Variants in GTF2A1L observed in about 807,000 individuals in gnomAD.
GTF2A1L encodes the protein general transcription factor IIA subunit 1 like.
In GTF2A1L, 48 loss-of-function variants were observed where a neutral mutation model predicts 49.7. The ratio of observed to expected loss-of-function variants is 0.97; its 90% CI spans 0.77 to 1.23. The LOEUF (loss-of-function observed/expected upper bound fraction) is 1.23. Among genes scored for constraint, GTF2A1L ranks in the 50% most tolerant of loss-of-function variants. GTF2A1L has a pLI of 0.00. For missense variants in GTF2A1L, 736 were observed against 564.8 expected (o/e 1.30, Z -3.07); for synonymous variants, 246 against 193.5 (o/e 1.27, Z -2.25).
intron 8 of GTF2A1L, among the ~76,000 whole-genome samples, chr2:48,672,024 A>G (rs1237024202): frequency 2.0e-5 from 3 of 152,244 alleles, no homozygotes; most frequent in East Asian, 1.9e-4. Context: ...ATCAAATGCT[A>G]AGATGAGTGG....
At chr2:48,634,867 A>C (rs1676796830) in intron 3 of GTF2A1L, among the ~76,000 whole-genome samples, 1 of 152,138 alleles carries the variant, frequency 6.6e-6, no homozygotes, top group South Asian at 2.1e-4. Context: ...CTGGGAGGGC[A>C]GGGGCCATGA....
At chr2:48,628,198 T>A (rs537167148) in intron 3 of GTF2A1L, among the ~76,000 whole-genome samples, 1 of 144,146 alleles carries the variant, frequency 6.9e-6, no homozygotes, top group Non-Finnish European at 1.6e-5. Flanking sequence ...GGAGTGCATG[T>A]GTCATTTTGG....
At chr2:48,644,980 A>G in intron 4 of GTF2A1L, 53 bp from the exon 5 acceptor site, 1 of 1,528,820 alleles carries the variant, frequency 6.5e-7, no homozygotes, top group Non-Finnish European at 8.8e-7. Flanking sequence ...AGGGAAAAAA[A>G]GATACAAGTA....
At chr2:48,623,548 C>G (rs1465617396) in intron 3 of GTF2A1L, among the ~76,000 whole-genome samples, 4 of 152,194 alleles carry the variant, frequency 2.6e-5, no homozygotes, top group Non-Finnish European at 5.9e-5. Flanking sequence ...TTCAACTCAT[C>G]AGTTCTATTA....
chr2:48,666,899 T>C (rs1678876169), intron 6 of GTF2A1L, among the ~76,000 whole-genome samples: 1 of 152,150 alleles, frequency 6.6e-6, no homozygotes, highest in South Asian at 2.1e-4. Flanking sequence ...TTGACATTTC[T>C]AACTGTCTCT....
intron 3 of GTF2A1L, among the ~76,000 whole-genome samples, chr2:48,642,103 TACTTG>T (rs1677228940): frequency 6.6e-6 from 1 of 152,206 alleles, no homozygotes; most frequent in Non-Finnish European, 1.5e-5. Context: ...TAATAAATAT[TACTTG>T]ACTTAATAAG....
chr2:48,624,662 C>G (rs1239126413), intron 3 of GTF2A1L, among the ~76,000 whole-genome samples: 3 of 143,804 alleles, frequency 2.1e-5, no homozygotes, highest in Non-Finnish European at 4.7e-5. Flanking sequence ...CTTATTGATC[C>G]TATGTATCTG....
intron 6 of GTF2A1L, among the ~76,000 whole-genome samples, chr2:48,652,632 A>C (rs1677917999): frequency 6.6e-6 from 1 of 151,462 alleles, no homozygotes; most frequent in Non-Finnish European, 1.5e-5. Flanking sequence ...ACAAACAAAC[A>C]GCCAATTTCA....
At chr2:48,671,488 G>A (rs1679163623) in intron 7 of GTF2A1L, 103 bp from the exon 8 acceptor site, 3 of 1,197,840 alleles carry the variant, frequency 2.5e-6, no homozygotes, top group Non-Finnish European at 3.5e-6. Context: ...ATAGGAATGA[G>A]CCACCACGCC....
At chr2:48,650,426 A>G (rs542800154) in intron 6 of GTF2A1L, among the ~76,000 whole-genome samples, 3 of 152,332 alleles carry the variant, frequency 2.0e-5, no homozygotes, top group East Asian at 3.9e-4. Context: ...GCTAAGAACC[A>G]CTGATGTAGC....
At chr2:48,644,534 C>T (rs529755514) in intron 4 of GTF2A1L, among the ~76,000 whole-genome samples, 1 of 152,208 alleles carries the variant, frequency 6.6e-6, no homozygotes, top group South Asian at 2.1e-4. Context: ...CTGTGATAAT[C>T]AGGATAAATT....
chr2:48,618,051 T>C (rs530645716), intron 1 of GTF2A1L, 156 bp downstream of exon 1: 1 of 767,478 alleles, frequency 1.3e-6, no homozygotes, highest in African/African-American at 1.8e-5. Flanking sequence ...CACGTCTGTG[T>C]TGGAGGAAGC....
chr2:48,621,110 G>C (rs1675971766), intron 2 of GTF2A1L, 57 bp from the exon 3 acceptor site: 1 of 1,550,044 alleles, frequency 6.5e-7, no homozygotes, highest in Admixed American at 2.0e-5. Context: ...AAAAAGAGAA[G>C]TATCATTATA....
chr2:48,669,678 A>G (rs1408236051), intron 6 of GTF2A1L, 44 bp from the exon 7 acceptor site: 1 of 1,557,310 alleles, frequency 6.4e-7, no homozygotes, highest in Non-Finnish European at 8.7e-7. Context: ...TATTTTATAT[A>G]CCTTATTTGA....
chr2:48,667,343 C>G (rs565255976), intron 6 of GTF2A1L, among the ~76,000 whole-genome samples: 3 of 152,264 alleles, frequency 2.0e-5, no homozygotes, highest in Admixed American at 2.0e-4. Context: ...ATGGACATTA[C>G]TCTTCTTATA....
In GTF2A1L at chr2:48,646,833, A is replaced by C; in HGVS notation, c.769A>C (p.Asn257His). The change falls in exon 6 of 9, where the codon AAT becomes CAT. Residue 257 changes from asparagine to histidine, a missense_variant. Transcript: ENST00000403751. Reference protein sequence around the residue: ...VVFSPQVSQTNSNVESVLSGS... With the variant: ...VVFSPQVSQTHSNVESVLSGS... ...ATTTTCTCCACAGGTCTCTCAAACA[A>C]ATTCTAATGTGGAGTCAGTGCTCAG... 2 of 1,614,150 alleles carry C rather than the reference A, an allele frequency of 1.2e-6. No individual in the cohort carries two copies. Among genetic ancestry groups the C allele is most frequent in the Non-Finnish European group, 1.7e-6 (2 of 1,179,996 alleles).
At chr2:48,654,793 C>G (rs1572747139) in intron 6 of GTF2A1L, among the ~76,000 whole-genome samples, 2 of 152,204 alleles carry the variant, frequency 1.3e-5, no homozygotes, top group Non-Finnish European at 2.9e-5. Context: ...ATCTAAAGCA[C>G]TTCACCTTTA....
At chr2:48,648,604 C>A (rs1466436056) in intron 6 of GTF2A1L, among the ~76,000 whole-genome samples, 1 of 151,984 alleles carries the variant, frequency 6.6e-6, no homozygotes, top group Non-Finnish European at 1.5e-5. Context: ...ACATTACTCC[C>A]TGAAATTCAA....
intron 6 of GTF2A1L, among the ~76,000 whole-genome samples, chr2:48,665,119 A>G (rs1242325299): frequency 2.0e-5 from 3 of 151,880 alleles, no homozygotes; most frequent in Non-Finnish European, 4.4e-5. Context: ...AATGGGTTTC[A>G]CCATGTTAGT....
Sources: gnomAD v4.1 joint callset for allele counts (sites outside exome capture counted in the v4.1 genomes callset) on GRCh38, gnomAD v4.1.1 for gene constraint, MANE v1.5 for transcripts, NCBI Gene and HGNC (gene_info 2026-07-23, HGNC 2026-07-21) for gene names.